The following PELI2 variants were observed in gnomAD, a reference collection of about 807,000 sequenced individuals.
PELI2 encodes the protein E3 ubiquitin-protein ligase pellino homolog 2.
Under a neutral mutation model 42.3 loss-of-function variants are expected in PELI2, and 23 were observed. The ratio of observed to expected loss-of-function variants is 0.54; its 90% CI spans 0.39 to 0.77. The LOEUF is 0.77. Ranked by LOEUF, PELI2 falls within the 30% of genes least tolerant of loss-of-function variation. The pLI is 0.00. For synonymous variants in PELI2, 245 were observed against 212.2 expected, an observed-to-expected ratio of 1.15 and a Z score of -1.34; for missense variants, 463 against 553.2, an observed-to-expected ratio of 0.84 and a Z score of 1.64.
chr14:56,164,929 T>G (rs1884895959), intron 1 of PELI2, among the ~76,000 whole-genome samples: 1 of 151,948 alleles, frequency 6.6e-6, no homozygotes, highest in African/African-American at 2.4e-5. Flanking sequence ...TCTTGTCTCT[T>G]TTTTCTTAGT....
chr14:56,163,343 C>T (rs1016350248), intron 1 of PELI2, among the ~76,000 whole-genome samples: 9 of 151,944 alleles, frequency 5.9e-5, no homozygotes, highest in Admixed American at 2.6e-4. Flanking sequence ...TTTTTCCCAG[C>T]GTATGTTCTT....
At chr14:56,232,598 G>A (rs1309037301) in intron 2 of PELI2, among the ~76,000 whole-genome samples, 2 of 151,876 alleles carry the variant, frequency 1.3e-5, no homozygotes, top group Admixed American at 6.6e-5. Context: ...AGGTATCAAC[G>A]GGACATATCT....
At chr14:56,199,136 A>G (rs1886241957) in intron 2 of PELI2, among the ~76,000 whole-genome samples, 1 of 152,208 alleles carries the variant, frequency 6.6e-6, no homozygotes. Flanking sequence ...TCTGTAAACA[A>G]AAACAATTTT....
intron 1 of PELI2, among the ~76,000 whole-genome samples, chr14:56,157,107 T>C (rs1595563763): frequency 6.6e-6 from 1 of 152,248 alleles, no homozygotes. Context: ...CATGAAGGGC[T>C]TCCCTCTTTG....
chr14:56,198,892 T>A (rs1452230235), intron 2 of PELI2, among the ~76,000 whole-genome samples: 1 of 152,206 alleles, frequency 6.6e-6, no homozygotes, highest in Non-Finnish European at 1.5e-5. Context: ...TACTCTGGAT[T>A]TTTGACAAAG....
At chr14:56,265,591 A>G (rs1257240996) in intron 2 of PELI2, among the ~76,000 whole-genome samples, 1 of 152,100 alleles carries the variant, frequency 6.6e-6, no homozygotes, top group Non-Finnish European at 1.5e-5. Flanking sequence ...TTATAAAAGA[A>G]CAAATTGATA....
intron 2 of PELI2, among the ~76,000 whole-genome samples, chr14:56,206,646 C>A (rs1212178438): frequency 6.6e-6 from 1 of 152,092 alleles, no homozygotes; most frequent in Non-Finnish European, 1.5e-5. Context: ...CATAAAAATC[C>A]TGGACTTTAT....
intron 2 of PELI2, among the ~76,000 whole-genome samples, chr14:56,190,914 A>G (rs970941911): frequency 6.6e-6 from 1 of 152,250 alleles, no homozygotes; most frequent in African/African-American, 2.4e-5. Context: ...TATTTGTTGC[A>G]TAAGTAAAAA....
At chr14:56,250,446 C>G (rs1445840462) in intron 2 of PELI2, among the ~76,000 whole-genome samples, 1 of 152,102 alleles carries the variant, frequency 6.6e-6, no homozygotes, top group African/African-American at 2.4e-5. Context: ...CATCTGCAAG[C>G]TGAGGAGCAA....
At chr14:56,263,485 G>T (rs1888795599) in intron 2 of PELI2, among the ~76,000 whole-genome samples, 1 of 152,078 alleles carries the variant, frequency 6.6e-6, no homozygotes, top group Non-Finnish European at 1.5e-5. Flanking sequence ...GAAAATGATT[G>T]CCACAGAATA....
intron 2 of PELI2, among the ~76,000 whole-genome samples, chr14:56,241,774 T>C (rs972939178): frequency 2.6e-5 from 4 of 152,204 alleles, no homozygotes; most frequent in African/African-American, 9.7e-5. Flanking sequence ...ATGATAAAGC[T>C]GCACGCTACT....
intron 2 of PELI2, among the ~76,000 whole-genome samples, chr14:56,232,700 A>T (rs1887632810): frequency 6.7e-6 from 1 of 148,660 alleles, no homozygotes; most frequent in Non-Finnish European, 1.5e-5. Context: ...AACTGGCACA[A>T]GACAGGGATG....
Position 56,143,307 on chromosome 14 carries a change from G to A in PELI2, c.77+24570G>A, listed in dbSNP as rs542235849. Among the ~76,000 whole-genome samples, 7 of 152,382 alleles carry A rather than the reference G, an allele frequency of 4.6e-5. No individual in the cohort carries two copies. The South Asian group carries it at 8.3e-4, about 18-fold the overall frequency. On this transcript the variant is annotated intron_variant, in intron 1 of 5. Coordinates refer to ENST00000267460, the MANE Select transcript of PELI2 (RefSeq NM_021255.3). ...TTAGTGTATCACAGCAGGATACACT[G>A]CATACAAATGATGATGAAATGTCTT...
intron 2 of PELI2, among the ~76,000 whole-genome samples, chr14:56,256,487 A>G (rs891788819): frequency 5.9e-5 from 9 of 152,138 alleles, no homozygotes; most frequent in African/African-American, 1.9e-4. Context: ...ACTTCAAAGT[A>G]AAAATTAACT....
intron 1 of PELI2, among the ~76,000 whole-genome samples, chr14:56,131,378 T>C (rs116057457): frequency 0.019 from 2,872 of 152,328 alleles, 92 homozygotes; most frequent in African/African-American, 0.066. Flanking sequence ...GAGGTACATA[T>C]GACCCAGAGT....
intron 2 of PELI2, among the ~76,000 whole-genome samples, chr14:56,255,445 A>G (rs1368461484): frequency 7.9e-5 from 12 of 151,938 alleles, no homozygotes; most frequent in African/African-American, 2.4e-4. Context: ...TTGAGAATGC[A>G]TGGACACAGG....
intron 2 of PELI2, among the ~76,000 whole-genome samples, chr14:56,192,225 A>G (rs1566629176): frequency 6.6e-6 from 1 of 152,174 alleles, no homozygotes; most frequent in Non-Finnish European, 1.5e-5. Flanking sequence ...TTTAGCACCA[A>G]TTTACTGAAA....
chr14:56,153,339 G>A (rs1198008457), intron 1 of PELI2, among the ~76,000 whole-genome samples: 1 of 152,144 alleles, frequency 6.6e-6, no homozygotes, highest in Non-Finnish European at 1.5e-5. Flanking sequence ...GTTGCCTGTG[G>A]TTCCTGCTCT....
intron 1 of PELI2, among the ~76,000 whole-genome samples, chr14:56,131,840 A>G (rs73289000): frequency 0.027 from 4,109 of 152,256 alleles, 176 homozygotes; most frequent in African/African-American, 0.095. Context: ...TTGGTGTTGT[A>G]TAAAAACTAC....
Sources: gnomAD v4.1 joint callset for allele counts (sites outside exome capture counted in the v4.1 genomes callset) on GRCh38, gnomAD v4.1.1 for gene constraint, MANE v1.5 for transcripts, NCBI Gene and HGNC (gene_info 2026-07-23, HGNC 2026-07-21) for gene names.